The following GLI3 variants were observed in gnomAD, a reference collection of about 807,000 sequenced individuals.
GLI3 encodes the protein transcription activator GLI3.
A neutral mutation model predicts 100.8 loss-of-function variants in GLI3; 20 were observed. The ratio of observed to expected loss-of-function variants is 0.20; its 90% CI spans 0.14 to 0.29. GLI3 has a LOEUF of 0.29. Among genes scored for constraint, GLI3 ranks in the 10% least tolerant of loss-of-function variants. The pLI, the probability that GLI3 is intolerant of heterozygous loss-of-function variation, is 1.00. For synonymous variants in GLI3, 938 were observed against 860.5 expected, an observed-to-expected ratio of 1.09 and a Z score of -1.58; for missense variants, 2,040 against 2,128.5, an observed-to-expected ratio of 0.96 and a Z score of 0.82.
intron 9 of GLI3, 134 bp downstream of exon 9, chr7:42,025,130 G>C: frequency 1.5e-6 from 1 of 670,678 alleles, no homozygotes; most frequent in Non-Finnish European, 2.7e-6. Flanking sequence ...GTAGAGTACG[G>C]CCAAGGTCAA....
intron 3 of GLI3, among the ~76,000 whole-genome samples, chr7:42,133,643 GAA>G (rs11400220): frequency 7.8e-5 from 11 of 140,350 alleles, no homozygotes; most frequent in Middle Eastern, 3.6e-3. Flanking sequence ...GAAAGCAGCA[GAA>G]AAAAAAAAAA....
At chr7:42,064,435 G>A (rs543796233) in intron 4 of GLI3, among the ~76,000 whole-genome samples, 3 of 152,186 alleles carry the variant, frequency 2.0e-5, no homozygotes, top group Non-Finnish European at 4.4e-5. Context: ...TTGTGGTAGA[G>A]TTGAGAATGG....
At chr7:42,197,494 G>A (rs1583639925) in intron 2 of GLI3, among the ~76,000 whole-genome samples, 2 of 152,332 alleles carry the variant, frequency 1.3e-5, no homozygotes, top group Middle Eastern at 6.8e-3. Context: ...TTAGAGAGCA[G>A]GGGGAGTTGA....
chr7:42,207,888 T>C (rs1034213296), intron 2 of GLI3, among the ~76,000 whole-genome samples: 1 of 152,224 alleles, frequency 6.6e-6, no homozygotes, highest in Non-Finnish European at 1.5e-5. Flanking sequence ...CCGAGCACGG[T>C]GGCTCACGCC....
At chr7:42,034,405 G>T (rs1318877611) in intron 7 of GLI3, among the ~76,000 whole-genome samples, 1 of 152,076 alleles carries the variant, frequency 6.6e-6, no homozygotes, top group African/African-American at 2.4e-5. Flanking sequence ...ACAGCCTTGT[G>T]GGGGGCCTCC....
At chr7:42,218,215 G>A (rs926461861) in intron 2 of GLI3, among the ~76,000 whole-genome samples, 8 of 151,940 alleles carry the variant, frequency 5.3e-5, no homozygotes, top group Admixed American at 6.5e-5. Context: ...ACAAGAAACC[G>A]AAAACTCACA....
intron 10 of GLI3, among the ~76,000 whole-genome samples, chr7:41,981,770 G>A (rs1386501454): frequency 2.0e-5 from 3 of 152,238 alleles, no homozygotes; most frequent in Non-Finnish European, 2.9e-5. Flanking sequence ...GGAAGGTATA[G>A]AATCTGCCTA....
In GLI3 at chr7:42,094,188, A is replaced by G. The variant is rs545858956; in HGVS notation, c.368-17331T>C. ...GATACTCAGCTGTTCTTAGCTCTTC[A>G]ACGATGCTGACTCTTAAAGTTTAGA... On this transcript the variant is annotated intron_variant, in intron 3 of 14. Coordinates refer to ENST00000395925, the MANE Select transcript of GLI3 (RefSeq NM_000168.6). Among the ~76,000 whole-genome samples the G allele has an allele frequency of 3.9e-4, 59 of 152,274 alleles. 1 individual carries two copies. The highest frequency in any genetic ancestry group is 1.2e-3 in the African/African-American group (48 of 41,548).
In GLI3 at chr7:41,972,456, A is replaced by G; in HGVS notation, c.1984T>C (p.Ser662Pro). The stretch of plus-strand genomic sequence containing the variant: ...TGAGTCGGTCGGCCAGGCGACCTGG[A>G]CTGTGAATGGCTGCCGGAATCTCTC... ...PPRDSGSHSQ[S>P]RSPGRPTQGA... The change falls in exon 13 of 15, where the codon TCC becomes CCC. Residue 662 changes from serine to proline, a missense_variant. By Grantham distance (74) the Ser-to-Pro change is moderately conservative (BLOSUM62 -1). Transcript: ENST00000395925. This position sits in a 1 kb window ranked among gnomAD's most constrained non-coding sequence, Gnocchi z 4.4. 2 of 1,612,172 alleles carry G rather than the reference A, an allele frequency of 1.2e-6. No individual in the cohort carries two copies. The highest frequency in any genetic ancestry group is 1.7e-6 in the Non-Finnish European group (2 of 1,179,718).
At chr7:42,104,422 G>A (rs1005408831) in intron 3 of GLI3, among the ~76,000 whole-genome samples, 7 of 152,090 alleles carry the variant, frequency 4.6e-5, no homozygotes, top group Non-Finnish European at 5.9e-5. Context: ...CAGGCAGGGC[G>A]GGAAAAATGT....
chr7:42,196,072 CT>C (rs1480343932), intron 2 of GLI3, among the ~76,000 whole-genome samples: 4 of 152,210 alleles, frequency 2.6e-5, no homozygotes, highest in African/African-American at 9.6e-5. Flanking sequence ...ACAGCCTCCC[CT>C]ATCCTCACTA....
intron 3 of GLI3, among the ~76,000 whole-genome samples, chr7:42,144,985 C>A (rs1786667269): frequency 6.6e-6 from 1 of 152,118 alleles, no homozygotes; most frequent in Non-Finnish European, 1.5e-5. Flanking sequence ...GTTGACAGGG[C>A]CCACGACTGA....
At chr7:42,216,784 A>G (rs1256826043) in intron 2 of GLI3, among the ~76,000 whole-genome samples, 1 of 152,234 alleles carries the variant, frequency 6.6e-6, no homozygotes, top group Non-Finnish European at 1.5e-5. Flanking sequence ...GAATTTAAAC[A>G]TGCATTGGTG....
intron 4 of GLI3, among the ~76,000 whole-genome samples, chr7:42,049,878 C>A (rs1489997418): frequency 6.6e-6 from 1 of 152,172 alleles, no homozygotes; most frequent in Non-Finnish European, 1.5e-5. Context: ...AGAGAGAGAT[C>A]AACTGAGAAC....
chr7:42,059,385 T>C (rs1482395594), intron 4 of GLI3, among the ~76,000 whole-genome samples: 2 of 150,532 alleles, frequency 1.3e-5, no homozygotes, highest in Non-Finnish European at 3.0e-5. Flanking sequence ...CCAGTAACTA[T>C]TATATAAAAT....
chr7:42,040,376 T>A lies in GLI3; in HGVS notation c.827-137A>T, dbSNP rs77092127. 4.2e-6 allele frequency: 3 copies of A among 712,950 alleles called. No individual in the cohort carries two copies. The South Asian group carries it at 4.6e-5, about 11-fold the overall frequency. The allele number at this position is 712,950 out of a possible 1,614,324, so 44.2% of individuals were successfully genotyped here. On this transcript the variant is annotated intron_variant, in intron 6 of 14. Transcript: ENST00000395925. ...GGTGACAAGCACCTCTCCTCCCCCA[T>A]GTGATCTACTAGCTACAGTTGAGGA...
intron 2 of GLI3, among the ~76,000 whole-genome samples, chr7:42,179,302 C>G (rs1251084524): frequency 6.6e-6 from 1 of 152,086 alleles, no homozygotes; most frequent in Non-Finnish European, 1.5e-5. Flanking sequence ...GTAAATTGTC[C>G]AGTCGTGGGT....
At chr7:42,033,898 G>A (rs888247647) in intron 7 of GLI3, among the ~76,000 whole-genome samples, 1 of 152,172 alleles carries the variant, frequency 6.6e-6, no homozygotes, top group Non-Finnish European at 1.5e-5. Context: ...CAGAAGTAGA[G>A]TACACAAAGA....
chr7:41,979,659 C>T (rs1034601287), intron 10 of GLI3, among the ~76,000 whole-genome samples: 1 of 152,124 alleles, frequency 6.6e-6, no homozygotes, highest in Admixed American at 6.5e-5. Context: ...TTTCAATGTC[C>T]AGCTATGGAC....
Sources: allele counts gnomAD v4.1 joint callset (sites outside exome capture counted in the v4.1 genomes callset), GRCh38; gene constraint gnomAD v4.1.1; non-coding constraint Gnocchi (gnomAD v3.1); transcripts MANE v1.5; gene names NCBI Gene and HGNC (gene_info 2026-07-23, HGNC 2026-07-21).